SPX: variants seen among roughly 807,000 people sequenced by gnomAD.
SPX encodes the protein spexin hormone.
Under a neutral mutation model 19.2 loss-of-function variants are expected in SPX, and 22 were observed. The observed-to-expected ratio is 1.15, with a 90% confidence interval of 0.82 to 1.64. SPX has a LOEUF of 1.64. Ranked by LOEUF, SPX falls within the 40% of genes most tolerant of loss-of-function variation. The probability of loss-of-function intolerance (pLI) is 0.00; values close to 1 mark genes in which losing one functional copy is unlikely to be tolerated. For synonymous variants in SPX, 50 were observed against 53.3 expected, an observed-to-expected ratio of 0.94 and a Z score of 0.27; for missense variants, 143 against 137.7, an observed-to-expected ratio of 1.04 and a Z score of -0.19.
intron 2 of SPX, 41 bp downstream of exon 2, chr12:21,527,007 C>T (rs763644986): frequency 6.9e-6 from 11 of 1,590,414 alleles, no homozygotes; most frequent in Non-Finnish European, 6.9e-6. Flanking sequence ...ACAATGCGCA[C>T]TGTGTGTCCA....
intron 4 of SPX, among the ~76,000 whole-genome samples, chr12:21,528,753 T>G (rs1943837736): frequency 6.6e-6 from 1 of 152,198 alleles, no homozygotes; most frequent in Non-Finnish European, 1.5e-5. Flanking sequence ...TATCTAAAAT[T>G]CTCTTTGGCA....
intron 3 of SPX, 133 bp from the exon 4 acceptor site, chr12:21,527,594 C>T: frequency 1.1e-6 from 1 of 877,570 alleles, no homozygotes. Flanking sequence ...TCGGCAGCCC[C>T]GCGCGACCCT....
chr12:21,527,840 T>C, intron 4 of SPX, 51 bp downstream of exon 4: 1 of 1,538,708 alleles, frequency 6.5e-7, no homozygotes, highest in Non-Finnish European at 8.8e-7. Context: ...TGGAATAGGA[T>C]GGGGCGGGCA....
chr12:21,531,688 G>T lies in SPX; in HGVS notation c.*493G>T, dbSNP rs1028322774. The T allele has an allele frequency of 6.6e-6, 1 of 152,384 alleles. No homozygotes were observed. Among genetic ancestry groups the T allele is most frequent in the Non-Finnish European group, 1.5e-5 (1 of 68,214 alleles). The allele number at this position is 152,384 out of a possible 1,614,324, so 9.4% of individuals were successfully genotyped here. A position where few individuals can be genotyped will look rare whatever the true frequency, so the allele number is the denominator to read the frequency against. ...ATGACTCTCTATAGCTCATCCAGGA[G>T]TAATCAATTAAGAAGATAAATTGGA... On this transcript the variant is annotated 3_prime_UTR_variant, in exon 6 of 6. Transcript: ENST00000256969.
intron 1 of SPX, among the ~76,000 whole-genome samples, 198 bp from the exon 2 acceptor site, chr12:21,526,688 T>C (rs1943817667): frequency 6.7e-6 from 1 of 149,884 alleles, no homozygotes; most frequent in South Asian, 2.1e-4. Context: ...ACAAATAATA[T>C]GTTTCTAAAT....
chr12:21,527,507 C>G (rs1591768358), intron 3 of SPX: 8 of 611,720 alleles, frequency 1.3e-5, no homozygotes, highest in Non-Finnish European at 5.8e-6. Context: ...TTGCGGCGTC[C>G]GGTCAGGCGC....
rs1170966242 is a variant in SPX, at chr12:21,531,764, G to T, written c.*569G>T. On this transcript the variant is annotated 3_prime_UTR_variant, in exon 6 of 6. Coordinates refer to ENST00000256969, the MANE Select transcript of SPX (RefSeq NM_030572.4). ...GAACACTTCAGTGTGGTTGCTGAGA[G>T]GAGACAGTCATTGAGGTAGAAGGTT... 6.6e-6 allele frequency: 1 copy of T among 152,206 alleles called. No homozygotes were observed. Among genetic ancestry groups the T allele is most frequent in the Admixed American group, 6.5e-5 (1 of 15,288 alleles). 9.4% of individuals were successfully genotyped at this position (152,206 alleles called of 1,614,324 possible).
rs1393884711 is a variant in SPX at position 21,532,615 on chromosome 12, A to T, written c.*1420A>T. The stretch of plus-strand genomic sequence containing the variant: ...TGATTTATTGAAAATTTTTTCCAAA[A>T]GCATTGTCTTTTATTTATACAGTCC... On this transcript the variant is annotated 3_prime_UTR_variant, in exon 6 of 6. Transcript: ENST00000256969. 1 of 152,206 alleles carries T rather than the reference A, an allele frequency of 6.6e-6. No individual in the cohort carries two copies. Among genetic ancestry groups the T allele is most frequent in the Non-Finnish European group, 1.5e-5 (1 of 68,026 alleles). 9.4% of individuals were successfully genotyped at this position (152,206 alleles called of 1,614,324 possible).
intron 5 of SPX, among the ~76,000 whole-genome samples, chr12:21,530,560 C>T (rs183823375): frequency 6.6e-6 from 1 of 152,236 alleles, no homozygotes; most frequent in Non-Finnish European, 1.5e-5. Context: ...TTTTTAGAGT[C>T]CCAGGAACCT....
At position 21,528,992 on chromosome 12, in the gene SPX, T is replaced by C; in HGVS notation, c.209-9T>C. ...CTAAGAGAATCTGTATACATTTTTG[T>C]TTCTGCAGAAAGACGAAGCCCAAAT... On this transcript the variant is annotated splice_polypyrimidine_tract_variant and intron_variant, in intron 4 of 5. Coordinates refer to ENST00000256969, the MANE Select transcript of SPX (RefSeq NM_030572.4). The C allele has an allele frequency of 6.2e-7, 1 of 1,611,624 alleles. No individual in the cohort carries two copies. Among genetic ancestry groups the C allele is most frequent in the Non-Finnish European group, 8.5e-7 (1 of 1,177,720 alleles).
intron 4 of SPX, chr12:21,528,296 G>T (rs7313394): frequency 0.97 from 147,799 of 152,658 alleles, 71,734 homozygotes; most frequent in East Asian, 1. Context: ...GCTTTTGTTT[G>T]ACTAGAAAGA....
Position 21,526,513 on chromosome 12 carries a change from G to A in SPX, c.6+35G>A, listed in dbSNP as rs373615458. 13 of 1,579,962 alleles carry A rather than the reference G, an allele frequency of 8.2e-6. No homozygotes were observed. The African/African-American group carries it at 1.6e-4, about 20-fold the overall frequency. ...GGCTTTATTAACTTGAGACTTCTTA[G>A]CTATTTTTTAAAACGTTTTATAGCA... On this transcript the variant is annotated intron_variant, in intron 1 of 5. Coordinates refer to ENST00000256969, the MANE Select transcript of SPX (RefSeq NM_030572.4).
rs747839085 is a variant in SPX, at chr12:21,527,774, G to C, written c.193G>C (p.Asp65His). ...CCAGAGCCGGAGAAAGGACCTCTCC[G>C]ACCGGCCACTGCCGGGTGAGTGACC... ...SDQSRRKDLS[D>H]RPLPERRSPN... The change falls in exon 4 of 6, where the codon GAC becomes CAC. Residue 65 changes from aspartate (D) to histidine (H), a missense_variant. Transcript: ENST00000256969. The C allele has an allele frequency of 3.8e-6, 6 of 1,571,990 alleles. 1 individual carries two copies. The South Asian group carries it at 5.8e-5, about 15-fold the overall frequency.
Position 21,527,131 on chromosome 12 carries a change from A to G in SPX, c.88-4A>G. 1.9e-6 allele frequency: 3 copies of G among 1,613,836 alleles called. No homozygotes were observed. Among genetic ancestry groups the G allele is most frequent in the Middle Eastern group, 1.7e-4 (1 of 6,060 alleles). ...AACTGCTCTTCCCTTCCCCCGGGCT[A>G]TAGAGACTGTTGGAGAGAAGGAACT... On this transcript the variant is annotated splice_polypyrimidine_tract_variant and splice_region_variant and intron_variant, in intron 2 of 5. Coordinates refer to ENST00000256969, the MANE Select transcript of SPX (RefSeq NM_030572.4).
At position 21,530,993 on chromosome 12, in the gene SPX, G is replaced by C. The variant is rs554121557; in HGVS notation, c.293-144G>C. 783 of 592,080 alleles carry C rather than the reference G, an allele frequency of 1.3e-3. 1 individual carries two copies. The highest frequency in any genetic ancestry group is 2.1e-3 in the Non-Finnish European group (694 of 337,708). 36.7% of individuals were successfully genotyped at this position (592,080 alleles called of 1,614,324 possible). On this transcript the variant is annotated intron_variant, in intron 5 of 5. Coordinates refer to ENST00000256969, the MANE Select transcript of SPX (RefSeq NM_030572.4). ...AACTGAGCAAATCAAAGCCCATATTGTTTAAATTTTCAGTAGCAGAGTCCA... is the reference window on the plus strand; with the variant it reads ...AACTGAGCAAATCAAAGCCCATATTCTTTAAATTTTCAGTAGCAGAGTCCA...
intron 5 of SPX, among the ~76,000 whole-genome samples, chr12:21,530,120 G>A (rs114839285): frequency 0.011 from 1,656 of 152,240 alleles, 26 homozygotes; most frequent in African/African-American, 0.036. Context: ...TTTCTAAGTG[G>A]ATTGTCTCTG....
chr12:21,527,645 C>T lies in SPX; in HGVS notation c.146-82C>T, dbSNP rs568713597. On this transcript the variant is annotated intron_variant, in intron 3 of 5. Transcript: ENST00000256969. The stretch of plus-strand genomic sequence containing the variant: ...GCCCCCTCCCCACGCCCGGGGACTG[C>T]GCTGTGCCGGGAGGAGCTGAGGTTT... The T allele has an allele frequency of 5.8e-6, 8 of 1,384,518 alleles. No homozygotes were observed. The African/African-American group carries it at 8.6e-5, about 15-fold the overall frequency. 85.8% of individuals were successfully genotyped at this position (1,384,518 alleles called of 1,614,324 possible). A position where few individuals can be genotyped will look rare whatever the true frequency, so the allele number is the denominator to read the frequency against.
rs1212741620 is a variant in SPX at position 21,527,877 on chromosome 12, G to T, written c.208+88G>T. ...GGCTTGCTCCGCGCTGGTGCCGAAA[G>T]AAAGCGTCTCCTCACCGGAAAGACG... On this transcript the variant is annotated intron_variant, in intron 4 of 5. Coordinates refer to ENST00000256969, the MANE Select transcript of SPX (RefSeq NM_030572.4). 5 of 1,430,992 alleles carry T rather than the reference G, an allele frequency of 3.5e-6. No homozygotes were observed. The East Asian group carries it at 1.3e-4, about 37-fold the overall frequency. 88.6% of individuals were successfully genotyped at this position (1,430,992 alleles called of 1,614,324 possible).
chr12:21,527,109 T>C, intron 2 of SPX, 26 bp from the exon 3 acceptor site: 1 of 1,611,306 alleles, frequency 6.2e-7, no homozygotes, highest in Non-Finnish European at 8.5e-7. Flanking sequence ...TTTTATTAAC[T>C]GCTCTTCCCT....
Sources: allele counts gnomAD v4.1 joint callset (sites outside exome capture counted in the v4.1 genomes callset), GRCh38; gene constraint gnomAD v4.1.1; transcripts MANE v1.5; gene names NCBI Gene and HGNC (gene_info 2026-07-23, HGNC 2026-07-21).